PLCG2: variants seen among roughly 807,000 people sequenced by gnomAD.
PLCG2 encodes 1-phosphatidylinositol 4,5-bisphosphate phosphodiesterase gamma-2.
PLCG2 carries 69 observed loss-of-function variants against 175.6 expected under a neutral mutation model. That is an observed-to-expected ratio of 0.39 (90% confidence interval 0.32 to 0.48). The LOEUF is 0.48. Among genes scored for constraint, PLCG2 ranks in the 20% least tolerant of loss-of-function variants. The pLI is 0.91. For synonymous variants in PLCG2, 827 were observed against 624.0 expected (o/e 1.33, Z -4.85); for missense variants, 1,798 against 1,650.9 (o/e 1.09, Z -1.54).
In PLCG2 at chr16:81,843,803, T is replaced by C. The variant is rs113736942; in HGVS notation, c.194-10641T>C. ...TGGTAGTTTGCTTGTCAGAAGCAAA[T>C]GCTGGGATGAAAGAAGAACTCAATA... On this transcript the variant is annotated intron_variant, in intron 2 of 32. Coordinates refer to ENST00000564138, the MANE Select transcript of PLCG2 (RefSeq NM_002661.5). Among the ~76,000 whole-genome samples the C allele has an allele frequency of 4.7e-4, 72 of 152,320 alleles. 2 individuals carry two copies. Among genetic ancestry groups the C allele is most frequent in the African/African-American group, 1.7e-3 (70 of 41,574 alleles).
At chr16:81,782,389 T>G (rs1910777630) in intron 1 of PLCG2, among the ~76,000 whole-genome samples, 1 of 152,210 alleles carries the variant, frequency 6.6e-6, no homozygotes, top group Non-Finnish European at 1.5e-5. Context: ...AAGGCTTTTT[T>G]TTTTCTTTTT....
chr16:81,948,246 C>G (rs748684651), intron 31 of PLCG2, among the ~76,000 whole-genome samples: 2 of 135,900 alleles, frequency 1.5e-5, no homozygotes, highest in East Asian at 2.0e-4. Flanking sequence ...CCTAAGTTGT[C>G]GTATTATATC....
At chr16:81,767,991 G>C (rs1326166390) in intron 2 of PLCG2, 1 of 152,276 alleles carries the variant, frequency 6.6e-6, no homozygotes, top group African/African-American at 2.4e-5. Flanking sequence ...CAGGGTTCAA[G>C]CGATTCTCCT....
chr16:81,882,942 T>C lies in PLCG2; in HGVS notation c.693-327T>C, dbSNP rs146962963. ...ATCTCTTGCTACACTGTATCCCATATGCCTGGTTCACCTGTCTTCCCCATG... is the reference window on the plus strand; with the variant it reads ...ATCTCTTGCTACACTGTATCCCATACGCCTGGTTCACCTGTCTTCCCCATG... On this transcript the variant is annotated intron_variant, in intron 8 of 32. Coordinates refer to ENST00000564138, the MANE Select transcript of PLCG2 (RefSeq NM_002661.5). 4.0e-5 allele frequency among the ~76,000 whole-genome samples: 6 copies of C among 151,358 alleles called. No individual in the cohort carries two copies. The East Asian group carries it at 1.2e-3, about 30-fold the overall frequency.
intron 31 of PLCG2, among the ~76,000 whole-genome samples, chr16:81,947,261 G>A (rs927211704): frequency 6.6e-6 from 1 of 152,178 alleles, no homozygotes; most frequent in Non-Finnish European, 1.5e-5. Flanking sequence ...GCCACTGTAG[G>A]GAGCCAGGGG....
chr16:81,784,916 A>G (rs1199406559), intron 1 of PLCG2, among the ~76,000 whole-genome samples: 1 of 152,072 alleles, frequency 6.6e-6, no homozygotes, highest in Non-Finnish European at 1.5e-5. Flanking sequence ...GGGAGGCAGA[A>G]TGAGGGAATG....
At chr16:81,824,486 C>T (rs1176538051) in intron 2 of PLCG2, among the ~76,000 whole-genome samples, 1 of 152,218 alleles carries the variant, frequency 6.6e-6, no homozygotes, top group African/African-American at 2.4e-5. Flanking sequence ...GGGGTTGTGA[C>T]TGCTGGAAAG....
chr16:81,876,458 A>G lies in PLCG2; in HGVS notation c.649-4452A>G, dbSNP rs75801651. On this transcript the variant is annotated intron_variant, in intron 7 of 32. Coordinates refer to ENST00000564138, the MANE Select transcript of PLCG2 (RefSeq NM_002661.5). Reference sequence around the variant, plus strand: ...GCCTTCAGCCACGTGGGAAAACTCCATTCCTTTCCCTCCCTTTCTTAGTGC... The same window carrying G: ...GCCTTCAGCCACGTGGGAAAACTCCGTTCCTTTCCCTCCCTTTCTTAGTGC... Among the ~76,000 whole-genome samples, 1,450 of 152,242 alleles carry G rather than the reference A, an allele frequency of 9.5e-3. 26 individuals are homozygous for G. Among genetic ancestry groups the G allele is most frequent in the African/African-American group, 0.032 (1,337 of 41,530 alleles).
Position 81,805,755 on chromosome 16 carries a change from G to GTGTTT in PLCG2, c.193+19585_193+19589dup, listed in dbSNP as rs1159978375. 3.0e-3 allele frequency among the ~76,000 whole-genome samples: 318 copies of GTGTTT among 105,618 alleles called. 64 individuals carry two copies. In the Middle Eastern group the frequency reaches 0.04, roughly 13 times the overall value. The allele number at this position is 105,618 out of a possible 152,430, so 69.3% of individuals were successfully genotyped here. A position where few individuals can be genotyped will look rare whatever the true frequency, so the allele number is the denominator to read the frequency against. On this transcript the variant is annotated intron_variant, in intron 2 of 32. Coordinates refer to ENST00000564138, the MANE Select transcript of PLCG2 (RefSeq NM_002661.5). ...GTCACCAATACCAGCCATGAGAGTA[G>GTGTTT]TGTTTTGTTTTGTTTTTTTTTTTTT... is the stretch of plus-strand genomic sequence containing the variant.
intron 31 of PLCG2, among the ~76,000 whole-genome samples, chr16:81,952,740 G>C (rs998503839): frequency 6.6e-6 from 1 of 152,212 alleles, no homozygotes; most frequent in African/African-American, 2.4e-5. Context: ...AATAAATGTA[G>C]AAGGAATGAG....
At chr16:81,772,274 C>T (rs563878264) in intron 2 of PLCG2, among the ~76,000 whole-genome samples, 25 of 152,164 alleles carry the variant, frequency 1.6e-4, no homozygotes, top group African/African-American at 4.3e-4. Context: ...AGCCAAGGAG[C>T]GCATGATCAC....
At chr16:81,895,509 G>A (rs555693167) in intron 12 of PLCG2, 75 of 305,018 alleles carry the variant, frequency 2.5e-4, no homozygotes, top group African/African-American at 1.4e-3. Context: ...GCAATGGGCC[G>A]AGATTGTGCC....
At chr16:81,802,267 C>T (rs574593633) in intron 2 of PLCG2, among the ~76,000 whole-genome samples, 23 of 151,814 alleles carry the variant, frequency 1.5e-4, no homozygotes, top group East Asian at 5.8e-4. Flanking sequence ...CGCCCGCCAC[C>T]GCGCCCAGCT....
At chr16:81,826,093 C>G (rs765598531) in intron 2 of PLCG2, among the ~76,000 whole-genome samples, 6 of 152,194 alleles carry the variant, frequency 3.9e-5, no homozygotes, top group Non-Finnish European at 2.9e-5. Context: ...CAACGGAGAT[C>G]TCTGCCTTTA....
intron 2 of PLCG2, among the ~76,000 whole-genome samples, chr16:81,833,741 G>T (rs1905370443): frequency 6.6e-6 from 1 of 151,960 alleles, no homozygotes; most frequent in Admixed American, 6.6e-5. Context: ...TACAGCCAAG[G>T]TGAGGGTGTT....
intron 13 of PLCG2, chr16:81,897,902 T>A: frequency 4.4e-6 from 2 of 454,528 alleles, no homozygotes; most frequent in South Asian, 3.1e-5. Context: ...GTGGAGGTGT[T>A]GCTGTGAGAC....
intron 2 of PLCG2, among the ~76,000 whole-genome samples, chr16:81,820,571 G>A (rs1904750984): frequency 6.6e-6 from 1 of 152,178 alleles, no homozygotes; most frequent in Non-Finnish European, 1.5e-5. Context: ...TCTCCTCATG[G>A]GAGATCTTGG....
chr16:81,849,573 A>G (rs1461761259), intron 2 of PLCG2, among the ~76,000 whole-genome samples: 4 of 152,086 alleles, frequency 2.6e-5, no homozygotes, highest in Non-Finnish European at 5.9e-5. Context: ...AGCCTGACCT[A>G]TATGGTGAAA....
rs1218224905 is a variant in PLCG2 at position 81,946,156 on chromosome 16, C to T, written c.3482-19C>T. ...CATTAATTACCTGCCTTTGCATTTT[C>T]CTCCTTGTTCTGCTTCAGGATTCAG... is the stretch of plus-strand genomic sequence containing the variant. On this transcript the variant is annotated intron_variant, in intron 30 of 32. Transcript: ENST00000564138. The T allele has an allele frequency of 2.5e-6, 4 of 1,600,894 alleles. No individual in the cohort carries two copies. Among genetic ancestry groups the T allele is most frequent in the East Asian group, 2.2e-5 (1 of 44,806 alleles).
Sources: gnomAD v4.1 joint callset for allele counts (sites outside exome capture counted in the v4.1 genomes callset) on GRCh38, gnomAD v4.1.1 for gene constraint, MANE v1.5 for transcripts, NCBI Gene and HGNC (gene_info 2026-07-23, HGNC 2026-07-21) for gene names.